Variants in NRG3 observed in about 807,000 individuals in gnomAD.
The protein encoded by NRG3 is pro-neuregulin-3, membrane-bound isoform.
A neutral mutation model predicts 66.9 loss-of-function variants in NRG3; 31 were observed. That is an observed-to-expected ratio of 0.46 (90% CI 0.35 to 0.63). The LOEUF (loss-of-function observed/expected upper bound fraction) is 0.63, where lower values mean the gene tolerates loss of function less well. Among genes scored for constraint, NRG3 ranks in the 20% least tolerant of loss-of-function variants. The pLI is 0.00. For synonymous variants in NRG3, 393 were observed against 359.4 expected (o/e 1.09, Z -1.06); for missense variants, 910 against 878.9 (o/e 1.04, Z -0.45).
chr10:82,772,886 G>A (rs1185689745), intron 3 of NRG3, among the ~76,000 whole-genome samples: 1 of 151,380 alleles, frequency 6.6e-6, no homozygotes, highest in Non-Finnish European at 1.5e-5. Context: ...TTTATTTTTT[G>A]TAGAGACAAG....
At chr10:82,037,084 C>T (rs919854044) in intron 1 of NRG3, among the ~76,000 whole-genome samples, 2 of 152,104 alleles carry the variant, frequency 1.3e-5, no homozygotes, top group African/African-American at 4.8e-5. Flanking sequence ...CAGTGCCCCT[C>T]TGAGTCAGGC....
intron 2 of NRG3, among the ~76,000 whole-genome samples, chr10:82,622,102 A>C (rs1373279506): frequency 6.6e-6 from 1 of 152,188 alleles, no homozygotes; most frequent in Non-Finnish European, 1.5e-5. Flanking sequence ...CTTTGCAAGG[A>C]GGTAAGACTA....
intron 1 of NRG3, among the ~76,000 whole-genome samples, chr10:82,355,979 C>T (rs78927075): frequency 0.014 from 2,195 of 152,210 alleles, 40 homozygotes; most frequent in African/African-American, 0.044. Flanking sequence ...TAAGCATGTG[C>T]ATTTTAAATT....
intron 2 of NRG3, among the ~76,000 whole-genome samples, chr10:82,394,990 A>G (rs2086628287): frequency 6.6e-6 from 1 of 152,034 alleles, no homozygotes; most frequent in African/African-American, 2.4e-5. Flanking sequence ...CCACTTTTTG[A>G]TTTGGGGTTC....
chr10:82,526,629 A>G (rs1387378591), intron 2 of NRG3, among the ~76,000 whole-genome samples: 1 of 151,992 alleles, frequency 6.6e-6, no homozygotes, highest in African/African-American at 2.4e-5. Flanking sequence ...TTAGCCACAA[A>G]GCATTACTGG....
At position 81,972,645 on chromosome 10, in the gene NRG3, A is replaced by C. The variant is rs186811349; in HGVS notation, c.823+96482A>C. ...CTAATAGAAACTATCATGATGAAAC[A>C]CAGAGAAAAAACAATGAATGGGACA... On this transcript the variant is annotated intron_variant, in intron 1 of 8. Transcript: ENST00000372141. Among the ~76,000 whole-genome samples the C allele has an allele frequency of 2.2e-3, 329 of 152,264 alleles. 1 individual carries two copies. Among genetic ancestry groups the C allele is most frequent in the Middle Eastern group, 0.01 (3 of 294 alleles).
At chr10:82,288,972 T>G (rs935002398) in intron 1 of NRG3, among the ~76,000 whole-genome samples, 1 of 152,188 alleles carries the variant, frequency 6.6e-6, no homozygotes, top group Non-Finnish European at 1.5e-5. Context: ...TCTTCCCACC[T>G]TGGACAATGA....
chr10:82,482,452 A>G (rs2132159112), intron 2 of NRG3, among the ~76,000 whole-genome samples: 1 of 152,292 alleles, frequency 6.6e-6, no homozygotes, highest in South Asian at 2.1e-4. Context: ...ATTTTGTGGT[A>G]TAGTGATAAG....
chr10:82,258,313 A>G (rs2077843923), intron 1 of NRG3, among the ~76,000 whole-genome samples: 1 of 152,208 alleles, frequency 6.6e-6, no homozygotes, highest in Non-Finnish European at 1.5e-5. Flanking sequence ...ATGACTCATA[A>G]TTAGGACTCA....
At chr10:82,880,040 G>A (rs530296955) in intron 4 of NRG3, among the ~76,000 whole-genome samples, 18 of 142,668 alleles carry the variant, frequency 1.3e-4, no homozygotes, top group East Asian at 2.1e-4. Flanking sequence ...TATGGGCTCC[G>A]TTTATTGATG....
intron 3 of NRG3, among the ~76,000 whole-genome samples, chr10:82,789,170 G>A (rs114173228): frequency 6.6e-6 from 1 of 151,974 alleles, no homozygotes; most frequent in African/African-American, 2.4e-5. Context: ...TTGTCTTCTT[G>A]TTATTTTAGT....
intron 3 of NRG3, among the ~76,000 whole-genome samples, chr10:82,741,324 A>G (rs1483378944): frequency 6.6e-6 from 1 of 152,172 alleles, no homozygotes; most frequent in Non-Finnish European, 1.5e-5. Context: ...ACATGTGGAT[A>G]TATAAACATG....
intron 2 of NRG3, among the ~76,000 whole-genome samples, chr10:82,623,778 T>C (rs770351181): frequency 2.6e-5 from 4 of 152,208 alleles, no homozygotes; most frequent in Non-Finnish European, 5.9e-5. Context: ...TTCTGGGATA[T>C]ATCTTTGACA....
intron 1 of NRG3, among the ~76,000 whole-genome samples, chr10:82,347,467 G>A (rs1350837501): frequency 2.0e-5 from 3 of 151,850 alleles, no homozygotes; most frequent in Admixed American, 2.0e-4. Context: ...TACATTTGCT[G>A]AGGAGAGCTT....
chr10:82,527,556 A>T (rs2132609997), intron 2 of NRG3, among the ~76,000 whole-genome samples: 1 of 152,274 alleles, frequency 6.6e-6, no homozygotes, highest in South Asian at 2.1e-4. Flanking sequence ...GAAGATTTTT[A>T]AAAAGCCAAT....
chr10:82,222,796 C>G (rs1416564913), intron 1 of NRG3, among the ~76,000 whole-genome samples: 2 of 152,184 alleles, frequency 1.3e-5, no homozygotes, highest in African/African-American at 4.8e-5. Flanking sequence ...TGGCATCAAT[C>G]TGGCTCTTCA....
intron 1 of NRG3, among the ~76,000 whole-genome samples, chr10:82,169,363 A>G (rs543029676): frequency 2.6e-5 from 4 of 151,708 alleles, no homozygotes; most frequent in Non-Finnish European, 5.9e-5. Flanking sequence ...AAGATCTGGT[A>G]TTTTCTTAAG....
Position 82,163,525 on chromosome 10 carries a change from A to AT in NRG3, c.824-195212dup, listed in dbSNP as rs560356626. On this transcript the variant is annotated intron_variant, in intron 1 of 8. Coordinates refer to ENST00000372141, the MANE Select transcript of NRG3 (RefSeq NM_001010848.4). ...TTTCGATTAGACATCACTGTCATTCATTACATCAGTAGGTGAATGAGACAA... is the reference window on the plus strand; with the variant it reads ...TTTCGATTAGACATCACTGTCATTCATTTACATCAGTAGGTGAATGAGACAA... 1.4e-3 allele frequency among the ~76,000 whole-genome samples: 211 copies of AT among 152,320 alleles called. 1 individual carries two copies. Among genetic ancestry groups the AT allele is most frequent in the African/African-American group, 4.8e-3 (201 of 41,574 alleles).
chr10:82,435,048 A>C (rs2090048937), intron 2 of NRG3, among the ~76,000 whole-genome samples: 1 of 152,090 alleles, frequency 6.6e-6, no homozygotes, highest in Admixed American at 6.5e-5. Flanking sequence ...TTTATGGTAG[A>C]ATTCACCTGT....
Sources: allele counts gnomAD v4.1 joint callset (sites outside exome capture counted in the v4.1 genomes callset), GRCh38; gene constraint gnomAD v4.1.1; transcripts MANE v1.5; gene names NCBI Gene and HGNC (gene_info 2026-07-23, HGNC 2026-07-21).